ATRNL1: variants seen among roughly 807,000 people sequenced by gnomAD.
ATRNL1 encodes the protein attractin-like protein 1.
In ATRNL1, 95 loss-of-function variants were observed where a neutral mutation model predicts 182.7. The ratio of observed to expected loss-of-function variants is 0.52; its 90% CI spans 0.44 to 0.62. The LOEUF is 0.62. ATRNL1 is among the 20% of genes least tolerant of loss of function. The pLI, the probability that ATRNL1 is intolerant of heterozygous loss-of-function variation, is 0.00. For missense variants in ATRNL1, 1,471 were observed against 1,679.5 expected (o/e 0.88, Z 2.17); for synonymous variants, 576 against 568.3 (o/e 1.01, Z -0.19).
intron 27 of ATRNL1, among the ~76,000 whole-genome samples, chr10:115,825,122 CAACACAGGAACT>C (rs1555091598): frequency 6.6e-6 from 1 of 151,996 alleles, no homozygotes; most frequent in Non-Finnish European, 1.5e-5. Flanking sequence ...CCATCATTCT[CAACACAGGAACT>C]AACACAGGAA....
chr10:115,671,323 C>T (rs188448184), intron 26 of ATRNL1, among the ~76,000 whole-genome samples: 24 of 151,930 alleles, frequency 1.6e-4, no homozygotes, highest in Admixed American at 1.4e-3. Context: ...AAGATAGACT[C>T]CAGAATATAG....
rs1206265147 is a variant in ATRNL1 at position 115,390,802 on chromosome 10, A to G, written c.3176-3857A>G. ...ATCCATGAACATGGGCTACCTTTCC[A>G]TTTATATAAGTCACTCGCTATTTCT... On this transcript the variant is annotated intron_variant, in intron 19 of 28. Coordinates refer to ENST00000355044, the MANE Select transcript of ATRNL1 (RefSeq NM_207303.4). Among the ~76,000 whole-genome samples the G allele has an allele frequency of 2.0e-5, 3 of 152,124 alleles. 1 individual carries two copies. Among genetic ancestry groups the G allele is most frequent in the Non-Finnish European group, 4.4e-5 (3 of 68,018 alleles).
chr10:115,251,669 T>C (rs1850884159), intron 10 of ATRNL1, among the ~76,000 whole-genome samples: 1 of 152,210 alleles, frequency 6.6e-6, no homozygotes, highest in Admixed American at 6.5e-5. Context: ...CTGGTGGGTT[T>C]TCTGGCATCA....
chr10:115,930,611 A>G (rs1953366669), intron 28 of ATRNL1, among the ~76,000 whole-genome samples: 1 of 152,240 alleles, frequency 6.6e-6, no homozygotes, highest in Admixed American at 6.5e-5. Context: ...GATTCTGCAC[A>G]AAGATATAGC....
At chr10:115,303,303 C>A (rs1364476057) in intron 17 of ATRNL1, among the ~76,000 whole-genome samples, 1 of 148,212 alleles carries the variant, frequency 6.7e-6, no homozygotes, top group Admixed American at 6.8e-5. Flanking sequence ...CAGCTCACTG[C>A]AACCTCCACC....
chr10:115,293,903 A>G (rs1360619710), intron 15 of ATRNL1, among the ~76,000 whole-genome samples: 1 of 151,786 alleles, frequency 6.6e-6, no homozygotes, highest in Non-Finnish European at 1.5e-5. Context: ...TTTCTGTTTG[A>G]TTGTTGATGA....
chr10:115,257,966 C>T (rs1051735729), intron 10 of ATRNL1, among the ~76,000 whole-genome samples: 1 of 152,166 alleles, frequency 6.6e-6, no homozygotes, highest in African/African-American at 2.4e-5. Context: ...AGGGTTTCTG[C>T]CGAGAGATCT....
At chr10:115,166,136 T>C (rs1432400828) in intron 7 of ATRNL1, among the ~76,000 whole-genome samples, 2 of 152,132 alleles carry the variant, frequency 1.3e-5, no homozygotes, top group Non-Finnish European at 2.9e-5. Context: ...AGGTACCTCA[T>C]GTAAATGGGA....
In ATRNL1 at chr10:115,106,630, G is replaced by C. The variant is rs144988085; in HGVS notation, c.293+12587G>C. On this transcript the variant is annotated intron_variant, in intron 1 of 28. Transcript: ENST00000355044. ...GGCCAGTCTTTCCCGTGCTATTCTC[G>C]TGATAGTGAGTAAGTCTCAACAATA... Among the ~76,000 whole-genome samples the C allele has an allele frequency of 1.6e-4, 25 of 152,234 alleles. 1 individual carries two copies. Among genetic ancestry groups the C allele is most frequent in the African/African-American group, 5.3e-4 (22 of 41,532 alleles).
At chr10:115,098,940 A>C (rs1298676840) in intron 1 of ATRNL1, among the ~76,000 whole-genome samples, 1 of 152,232 alleles carries the variant, frequency 6.6e-6, no homozygotes, top group Non-Finnish European at 1.5e-5. Context: ...CAAACAGCAC[A>C]ATTTAAAATG....
chr10:115,783,206 T>C (rs1555079653), intron 27 of ATRNL1, among the ~76,000 whole-genome samples: 1 of 141,988 alleles, frequency 7.0e-6, no homozygotes, highest in African/African-American at 2.7e-5. Flanking sequence ...GGCTATGGAT[T>C]CATATTTGTC....
At chr10:115,208,917 A>T (rs1242636643) in intron 8 of ATRNL1, among the ~76,000 whole-genome samples, 3 of 151,932 alleles carry the variant, frequency 2.0e-5, no homozygotes, top group African/African-American at 4.8e-5. Flanking sequence ...TAGTGAGATC[A>T]CCACTCTATT....
At position 115,549,956 on chromosome 10, in the gene ATRNL1, A is replaced by G. The variant is rs74158366; in HGVS notation, c.3795+420A>G. Among the ~76,000 whole-genome samples, 1,497 of 152,012 alleles carry G rather than the reference A, an allele frequency of 9.8e-3. 18 individuals are homozygous for G. Among genetic ancestry groups the G allele is most frequent in the African/African-American group, 0.034 (1,418 of 41,536 alleles). On this transcript the variant is annotated intron_variant, in intron 26 of 28. Transcript: ENST00000355044. ...TTTTATCTCCTAGAAATTTATTATA[A>G]CATTCTTTTTTTGGGAATCAAATCT...
At chr10:115,167,966 A>G (rs1253044566) in intron 7 of ATRNL1, among the ~76,000 whole-genome samples, 1 of 152,156 alleles carries the variant, frequency 6.6e-6, no homozygotes, top group Admixed American at 6.6e-5. Flanking sequence ...GAAACTTTGT[A>G]TCCTTTCGGT....
At chr10:115,838,794 T>G (rs1426144349) in intron 27 of ATRNL1, among the ~76,000 whole-genome samples, 1 of 48,652 alleles carries the variant, frequency 2.1e-5, no homozygotes, top group African/African-American at 3.9e-5. Flanking sequence ...TTTCGCAGTA[T>G]TTTTTTTAAT....
At position 115,323,979 on chromosome 10, in the gene ATRNL1, G is replaced by A. The variant is rs868990497; in HGVS notation, c.3037+8243G>A. ...TTTTTAGTAGCGATGGGGTTTCACC[G>A]TGTTAGCCAGGATGGTCTCGATCTC... On this transcript the variant is annotated intron_variant, in intron 18 of 28. Coordinates refer to ENST00000355044, the MANE Select transcript of ATRNL1 (RefSeq NM_207303.4). 9.9e-5 allele frequency among the ~76,000 whole-genome samples: 15 copies of A among 150,986 alleles called. 1 individual carries two copies. The highest frequency in any genetic ancestry group is 1.6e-4 in the Non-Finnish European group (11 of 67,738).
chr10:115,732,590 A>G (rs1185829170), intron 27 of ATRNL1, among the ~76,000 whole-genome samples: 3 of 152,170 alleles, frequency 2.0e-5, no homozygotes, highest in Admixed American at 6.5e-5. Flanking sequence ...TAAGCAGAAC[A>G]TATTTCATCT....
intron 28 of ATRNL1, among the ~76,000 whole-genome samples, chr10:115,871,901 A>T (rs1951594936): frequency 6.6e-6 from 1 of 152,138 alleles, no homozygotes. Flanking sequence ...GTTTCTAATC[A>T]AATAATTTAA....
At chr10:115,187,670 G>A (rs1419746722) in intron 8 of ATRNL1, among the ~76,000 whole-genome samples, 1 of 111,864 alleles carries the variant, frequency 8.9e-6, no homozygotes, top group African/African-American at 3.6e-5. Context: ...AGGGTGCTTG[G>A]TTTTTTTTTT....
Sources: allele counts gnomAD v4.1 joint callset (sites outside exome capture counted in the v4.1 genomes callset), GRCh38; gene constraint gnomAD v4.1.1; transcripts MANE v1.5; gene names NCBI Gene and HGNC (gene_info 2026-07-23, HGNC 2026-07-21).